URB2: variants seen among roughly 807,000 people sequenced by gnomAD.
The protein encoded by URB2 is URB2 ribosome biogenesis homolog.
In URB2, 86 loss-of-function variants were observed where a neutral mutation model predicts 120.9. That is an observed-to-expected ratio of 0.71 (90% confidence interval 0.60 to 0.85). URB2 has a LOEUF of 0.85. URB2 is among the 40% of genes least tolerant of loss of function. The pLI is 0.00. For missense variants in URB2, 1,765 were observed against 1,836.5 expected, an observed-to-expected ratio of 0.96 and a Z score of 0.71; for synonymous variants, 755 against 758.4, an observed-to-expected ratio of 1.00 and a Z score of 0.07.
At chr1:229,631,682 G>T (rs1363468967) in intron 2 of URB2, among the ~76,000 whole-genome samples, 1 of 152,328 alleles carries the variant, frequency 6.6e-6, no homozygotes, top group South Asian at 2.1e-4. Context: ...GAGCAGTCAG[G>T]ATGCATAGAA....
chr1:229,637,615 T>C lies in URB2; in HGVS notation c.3002T>C (p.Ile1001Thr). 1 of 1,614,192 alleles carries C rather than the reference T, an allele frequency of 6.2e-7. No homozygotes were observed. Among genetic ancestry groups the C allele is most frequent in the Non-Finnish European group, 8.5e-7 (1 of 1,180,016 alleles). The part of the protein sequence containing the change: ...DPAWLEFLQV[I>T]GTFLEELMQM... ...GCTTGGCTGGAATTCCTCCAAGTGATAGGGACGTTCTTAGAGGAGCTAATG... is the reference window on the plus strand; with the variant it reads ...GCTTGGCTGGAATTCCTCCAAGTGACAGGGACGTTCTTAGAGGAGCTAATG... The change falls in exon 4 of 10, where the codon ATA becomes ACA. Residue 1001 changes from isoleucine to threonine, a missense_variant. Ile to Thr is a moderately conservative substitution (Grantham distance 89). Transcript: ENST00000258243.
chr1:229,642,143 G>A lies in URB2; in HGVS notation c.3635-1390G>A, dbSNP rs188367103. On this transcript the variant is annotated intron_variant, in intron 4 of 9. Coordinates refer to ENST00000258243, the MANE Select transcript of URB2 (RefSeq NM_014777.4). Reference sequence around the variant, plus strand: ...TTCGCACAAATCACAGGGTAAAGGTGGGGGAGACGCCATAAAGCGAACCAG... The same window carrying A: ...TTCGCACAAATCACAGGGTAAAGGTAGGGGAGACGCCATAAAGCGAACCAG... Among the ~76,000 whole-genome samples the A allele has an allele frequency of 3.8e-3, 581 of 152,320 alleles. 5 individuals carry two copies. Among genetic ancestry groups the A allele is most frequent in the African/African-American group, 0.013 (554 of 41,568 alleles).
chr1:229,658,790 C>A (rs1031093413), intron 9 of URB2, among the ~76,000 whole-genome samples: 4 of 152,122 alleles, frequency 2.6e-5, no homozygotes, highest in African/African-American at 9.7e-5. Context: ...TTTTAAAATG[C>A]CCCTGGTAAA....
intron 5 of URB2, 22 bp from the exon 6 acceptor site, chr1:229,645,835 TAA>T: frequency 1.2e-6 from 2 of 1,604,894 alleles, no homozygotes; most frequent in Non-Finnish European, 1.7e-6. Context: ...TCTCTGCCGC[TAA>T]GTTTTTTCTC....
chr1:229,632,234 A>G (rs1273051249), intron 2 of URB2, 35 bp from the exon 3 acceptor site: 1 of 1,486,484 alleles, frequency 6.7e-7, no homozygotes, highest in Non-Finnish European at 8.9e-7. Context: ...TCAGCAAATA[A>G]ATTTATTTTC....
At chr1:229,630,711 G>C (rs1297047604) in intron 2 of URB2, among the ~76,000 whole-genome samples, 1 of 152,102 alleles carries the variant, frequency 6.6e-6, no homozygotes. Context: ...ATGGTAGCTG[G>C]GCACAGTGGC....
In URB2 at chr1:229,635,859, A is replaced by G. The variant is rs1665793235; in HGVS notation, c.1246A>G (p.Ile416Val). Residue 416 changes from isoleucine (I) to valine (V), a missense_variant, in exon 4 of 10, where the codon ATA becomes GTA. Coordinates refer to ENST00000258243, the MANE Select transcript of URB2 (RefSeq NM_014777.4). ...CTGGTTCCGCTGTCTGAAGACTTTG[A>G]TATCTCTGAATCATTTGATTTTGGA... Reference protein sequence around the residue: ...PAWFRCLKTLISLNHLILEPD... With the variant: ...PAWFRCLKTLVSLNHLILEPD... 3 of 1,614,030 alleles carry G rather than the reference A, an allele frequency of 1.9e-6. No individual in the cohort carries two copies. The highest frequency in any genetic ancestry group is 2.5e-6 in the Non-Finnish European group (3 of 1,180,008).
At chr1:229,634,337 C>G (rs2102782530) in intron 3 of URB2, among the ~76,000 whole-genome samples, 1 of 152,164 alleles carries the variant, frequency 6.6e-6, no homozygotes, top group East Asian at 1.9e-4. Context: ...TCCCAAGTAG[C>G]TGGGATTACA....
Position 229,636,078 on chromosome 1 carries a change from G to T in URB2, c.1465G>T (p.Val489Leu), listed in dbSNP as rs757455689. 1.2e-6 allele frequency: 2 copies of T among 1,614,262 alleles called. No homozygotes were observed. The highest frequency in any genetic ancestry group is 1.7e-6 in the Non-Finnish European group (2 of 1,180,046). Residue 489 changes from valine (V) to leucine (L), a missense_variant, in exon 4 of 10, where the codon GTG becomes TTG. Coordinates refer to ENST00000258243, the MANE Select transcript of URB2 (RefSeq NM_014777.4). ...RPAAEALRQP[V>L]LASGPSTVLS... The stretch of plus-strand genomic sequence containing the variant: ...AGCTGCTGAGGCACTGAGGCAGCCT[G>T]TGCTGGCCTCGGGCCCCTCCACGGT...
In URB2 at chr1:229,659,156, G is replaced by A. The variant is rs1343176960; in HGVS notation, c.4434G>A (p.Leu1478=). Residue 1478 remains leucine, a synonymous_variant, in exon 10 of 10, where the codon CTG becomes CTA. Transcript: ENST00000258243. ...SLLQEGIYLI[L]DLCIEPDVQF... is the part of the protein sequence containing the mutation. ...TGCAGGAGGGCATTTACCTCATCCT[G>A]GACCTCTGCATCGAGCCTGACGTCC... 1.2e-6 allele frequency: 2 copies of A among 1,612,994 alleles called. No homozygotes were observed. Among genetic ancestry groups the A allele is most frequent in the East Asian group, 2.2e-5 (1 of 44,872 alleles).
intron 4 of URB2, 110 bp downstream of exon 4, chr1:229,638,357 C>A: frequency 1.5e-6 from 2 of 1,300,850 alleles, no homozygotes; most frequent in Non-Finnish European, 2.1e-6. Context: ...AAAGGTACCA[C>A]ATGTGCGGCT....
At position 229,659,644 on chromosome 1, in the gene URB2, A is replaced by G. The variant is rs1571887413; in HGVS notation, c.*347A>G. 2 of 181,766 alleles carry G rather than the reference A, an allele frequency of 1.1e-5. No homozygotes were observed. Among genetic ancestry groups the G allele is most frequent in the African/African-American group, 4.7e-5 (2 of 42,694 alleles). The allele number at this position is 181,766 out of a possible 1,614,324, so 11.3% of individuals were successfully genotyped here. On this transcript the variant is annotated 3_prime_UTR_variant, in exon 10 of 10. Transcript: ENST00000258243. ...TTCCCTCGTCTGCACTGGAAACTAC[A>G]TAAAACTTGGCTTTTTACTTTGGGT...
chr1:229,657,102 G>A (rs572321152), intron 9 of URB2, among the ~76,000 whole-genome samples: 4 of 152,310 alleles, frequency 2.6e-5, no homozygotes, highest in African/African-American at 4.8e-5. Context: ...AAGTTGAACC[G>A]TCTTAAGTCA....
Position 229,636,830 on chromosome 1 carries a change from C to A in URB2, c.2217C>A (p.His739Gln). The change falls in exon 4 of 10, where the codon CAC (histidine) becomes CAA (glutamine). Residue 739 changes from histidine to glutamine, a missense_variant. Transcript: ENST00000258243. ...GTGGACTCACATACCCTGTAGCACA[C>A]TGGCACTTGATTGTGTCAAATCTCA... Reference protein sequence around the residue: ...MVSGLTYPVAHWHLIVSNLTI... With the variant: ...MVSGLTYPVAQWHLIVSNLTI... The A allele has an allele frequency of 6.8e-6, 11 of 1,611,918 alleles. No homozygotes were observed. Among genetic ancestry groups the A allele is most frequent in the Non-Finnish European group, 9.3e-6 (11 of 1,178,226 alleles).
In URB2 at chr1:229,637,022, G is replaced by A. The variant is rs1237472929; in HGVS notation, c.2409G>A (p.Glu803=). 9.3e-6 allele frequency: 15 copies of A among 1,613,944 alleles called. No individual in the cohort carries two copies. Among genetic ancestry groups the A allele is most frequent in the African/African-American group, 1.3e-5 (1 of 74,948 alleles). Residue 803 remains glutamate, a synonymous_variant, in exon 4 of 10, where the codon GAG becomes GAA. Transcript: ENST00000258243. The part of the protein sequence containing the change: ...KAFLHSPLFP[E]MQSLHSAFLT... Reference sequence around the variant, plus strand: ...TCCTTCATAGCCCTCTCTTTCCAGAGATGCAGTCCCTTCATTCTGCTTTCT... The same window carrying A: ...TCCTTCATAGCCCTCTCTTTCCAGAAATGCAGTCCCTTCATTCTGCTTTCT...
intron 3 of URB2, among the ~76,000 whole-genome samples, chr1:229,633,526 T>A (rs1170442984): frequency 1.3e-5 from 2 of 152,224 alleles, no homozygotes; most frequent in Non-Finnish European, 2.9e-5. Flanking sequence ...TGGAGATCAC[T>A]GTAATAGTGC....
Position 229,637,224 on chromosome 1 carries a change from G to T in URB2, c.2611G>T (p.Ala871Ser). The stretch of plus-strand genomic sequence containing the variant: ...AGGTATAGAACCTAGAGGAGAAATT[G>T]CCCAGAACTTACTGTCCCTGGTCAA... ...PEGIEPRGEI[A>S]QNLLSLVKSD... The change falls in exon 4 of 10, where the codon GCC becomes TCC. Residue 871 changes from alanine to serine, a missense_variant. Coordinates refer to ENST00000258243, the MANE Select transcript of URB2 (RefSeq NM_014777.4). 1 of 1,613,752 alleles carries T rather than the reference G, an allele frequency of 6.2e-7. No individual in the cohort carries two copies. The highest frequency in any genetic ancestry group is 8.5e-7 in the Non-Finnish European group (1 of 1,179,734).
intron 5 of URB2, 120 bp from the exon 6 acceptor site, chr1:229,645,739 C>A: frequency 1.2e-6 from 1 of 839,634 alleles, no homozygotes; most frequent in Non-Finnish European, 2.0e-6. Context: ...CCTCCCCTGA[C>A]ACCAGGGCTC....
intron 3 of URB2, among the ~76,000 whole-genome samples, chr1:229,633,140 C>G (rs1665712705): frequency 6.6e-6 from 1 of 152,222 alleles, no homozygotes; most frequent in Non-Finnish European, 1.5e-5. Context: ...AGCCATAACA[C>G]TGCCTCACCC....
Sources: allele counts gnomAD v4.1 joint callset (sites outside exome capture counted in the v4.1 genomes callset), GRCh38; gene constraint gnomAD v4.1.1; transcripts MANE v1.5; gene names NCBI Gene and HGNC (gene_info 2026-07-23, HGNC 2026-07-21).